CALN1: variants seen among roughly 807,000 people sequenced by gnomAD.
CALN1 encodes calcium-binding protein 8.
Under a neutral mutation model 30.6 loss-of-function variants are expected in CALN1, and 17 were observed. That is an observed-to-expected ratio of 0.56 (90% CI 0.38 to 0.83). The LOEUF is 0.83. Ranked by LOEUF, CALN1 falls within the 40% of genes least tolerant of loss-of-function variation. The probability of loss-of-function intolerance (pLI) is 0.00; values close to 1 mark genes in which losing one functional copy is unlikely to be tolerated. For missense variants in CALN1, 291 were observed against 354.9 expected (o/e 0.82, Z 1.45); for synonymous variants, 156 against 131.4 (o/e 1.19, Z -1.28).
At chr7:72,210,147 G>A (rs756132476) in intron 3 of CALN1, among the ~76,000 whole-genome samples, 34 of 151,718 alleles carry the variant, frequency 2.2e-4, no homozygotes, top group Non-Finnish European at 3.8e-4. Flanking sequence ...ATCTTCTTCC[G>A]TCTCCCCCTT....
At chr7:72,115,901 T>A (rs1807951840) in intron 3 of CALN1, among the ~76,000 whole-genome samples, 1 of 152,122 alleles carries the variant, frequency 6.6e-6, no homozygotes, top group African/African-American at 2.4e-5. Flanking sequence ...CTCCCATATA[T>A]GAATGATAAC....
At chr7:71,881,603 G>T (rs1792570702) in intron 5 of CALN1, among the ~76,000 whole-genome samples, 1 of 152,054 alleles carries the variant, frequency 6.6e-6, no homozygotes, top group Admixed American at 6.5e-5. Context: ...TGCTCAAAAT[G>T]TTTCCAAGGC....
chr7:71,844,833 T>C (rs1181262942), intron 5 of CALN1, among the ~76,000 whole-genome samples: 1 of 152,186 alleles, frequency 6.6e-6, no homozygotes, highest in Non-Finnish European at 1.5e-5. Context: ...ACATCACATG[T>C]TTTAAATTGG....
In CALN1 at chr7:71,856,693, G is replaced by A. The variant is rs542363966; in HGVS notation, c.502-46201C>T. Among the ~76,000 whole-genome samples, 32 of 152,212 alleles carry A rather than the reference G, an allele frequency of 2.1e-4. No homozygotes were observed. In the South Asian group the frequency reaches 6.2e-3, roughly 30 times the overall value. ...TAACTGGCCGGGTGTGGTGGCTCATGCCTATAATCCCAGCATTTTGGGAAG... is the reference window on the plus strand; with the variant it reads ...TAACTGGCCGGGTGTGGTGGCTCATACCTATAATCCCAGCATTTTGGGAAG... On this transcript the variant is annotated intron_variant, in intron 5 of 6. Coordinates refer to ENST00000395275, the MANE Select transcript of CALN1 (RefSeq NM_031468.4).
At chr7:72,228,235 A>G (rs1018769656) in intron 3 of CALN1, among the ~76,000 whole-genome samples, 3 of 151,864 alleles carry the variant, frequency 2.0e-5, no homozygotes, top group African/African-American at 7.2e-5. Context: ...TAGTGTTTCC[A>G]GGGACTAGAA....
intron 1 of CALN1, among the ~76,000 whole-genome samples, chr7:72,424,148 C>G (rs1807720858): frequency 6.6e-6 from 1 of 152,096 alleles, no homozygotes; most frequent in African/African-American, 2.4e-5. Flanking sequence ...ACTGAAGAGC[C>G]CCCTGGGAAA....
chr7:72,219,304 T>C (rs1793089704), intron 3 of CALN1, among the ~76,000 whole-genome samples: 1 of 152,172 alleles, frequency 6.6e-6, no homozygotes, highest in Admixed American at 6.6e-5. Flanking sequence ...TATCTCACTG[T>C]AACCTTAAAA....
chr7:71,983,206 G>A lies in CALN1; in HGVS notation c.501+40451C>T, dbSNP rs73703428. 1.0e-2 allele frequency among the ~76,000 whole-genome samples: 1,517 copies of A among 152,166 alleles called. 23 individuals are homozygous for A. Among genetic ancestry groups the A allele is most frequent in the African/African-American group, 0.034 (1,399 of 41,504 alleles). Reference sequence around the variant, plus strand: ...AGCTATTCTCCTTTCTCTTTCTTTTGCCTATTAAACCTTCACTCTTAAACT... The same window carrying A: ...AGCTATTCTCCTTTCTCTTTCTTTTACCTATTAAACCTTCACTCTTAAACT... On this transcript the variant is annotated intron_variant, in intron 5 of 6. Transcript: ENST00000395275.
At chr7:72,033,420 C>A (rs559482878) in intron 4 of CALN1, among the ~76,000 whole-genome samples, 1 of 152,164 alleles carries the variant, frequency 6.6e-6, no homozygotes, top group Non-Finnish European at 1.5e-5. Context: ...AAGCATAAGG[C>A]GCAGCTTAGC....
At chr7:72,273,899 G>C (rs758931832) in intron 3 of CALN1, among the ~76,000 whole-genome samples, 2 of 151,572 alleles carry the variant, frequency 1.3e-5, no homozygotes, top group Non-Finnish European at 2.9e-5. Flanking sequence ...AAGCATAATA[G>C]AAAAAAGCAA....
At chr7:71,966,966 C>T (rs1797559942) in intron 5 of CALN1, among the ~76,000 whole-genome samples, 1 of 152,194 alleles carries the variant, frequency 6.6e-6, no homozygotes, top group Admixed American at 6.5e-5. Flanking sequence ...CCTTGTTCAG[C>T]TTCCCCAGTA....
Position 72,369,938 on chromosome 7 carries a change from G to T in CALN1, c.119+33313C>A, listed in dbSNP as rs189590700. On this transcript the variant is annotated intron_variant, in intron 2 of 6. Coordinates refer to ENST00000395275, the MANE Select transcript of CALN1 (RefSeq NM_031468.4). ...AAAGCTGCAATTAGTAGTCATGTTT[G>T]AGTCTTTCTATGAATATATGCTTTT... Among the ~76,000 whole-genome samples the T allele has an allele frequency of 1.4e-3, 213 of 152,306 alleles. 1 individual carries two copies. In the Middle Eastern group the frequency reaches 0.017, roughly 12 times the overall value.
At chr7:72,388,699 G>T (rs1022050624) in intron 2 of CALN1, among the ~76,000 whole-genome samples, 1 of 152,118 alleles carries the variant, frequency 6.6e-6, no homozygotes, top group Non-Finnish European at 1.5e-5. Flanking sequence ...GCCTAAAAAT[G>T]CAGAGAGAGA....
At chr7:72,170,546 G>A (rs977111665) in intron 3 of CALN1, among the ~76,000 whole-genome samples, 1 of 152,170 alleles carries the variant, frequency 6.6e-6, no homozygotes, top group Non-Finnish European at 1.5e-5. Flanking sequence ...CAACCTGGAC[G>A]TTAGGGCCAG....
At chr7:72,251,997 C>G (rs576154271) in intron 3 of CALN1, among the ~76,000 whole-genome samples, 8 of 152,106 alleles carry the variant, frequency 5.3e-5, no homozygotes, top group African/African-American at 1.9e-4. Context: ...TATTCAGCAC[C>G]CAATTCTGCA....
At chr7:71,831,871 CAAAAAAAA>C (rs751078568) in intron 5 of CALN1, among the ~76,000 whole-genome samples, 4 of 20,880 alleles carry the variant, frequency 1.9e-4, no homozygotes, top group African/African-American at 5.1e-4. Flanking sequence ...AACCCTGCCT[CAAAAAAAA>C]AAAAAAAAAA....
At chr7:72,340,156 G>C (rs187699946) in intron 2 of CALN1, among the ~76,000 whole-genome samples, 1 of 152,196 alleles carries the variant, frequency 6.6e-6, no homozygotes, top group African/African-American at 2.4e-5. Flanking sequence ...ACAGGCCAGA[G>C]TGAACATTCT....
chr7:71,943,908 A>T (rs968337554), intron 5 of CALN1, among the ~76,000 whole-genome samples: 1 of 152,230 alleles, frequency 6.6e-6, no homozygotes, highest in African/African-American at 2.4e-5. Context: ...ATGGAGATAA[A>T]GAAAAAATAA....
intron 2 of CALN1, among the ~76,000 whole-genome samples, chr7:72,340,093 C>G (rs1802311810): frequency 6.6e-6 from 1 of 152,212 alleles, no homozygotes; most frequent in Non-Finnish European, 1.5e-5. Context: ...TAAACTCTAA[C>G]TGTGGTTCTT....
Sources: allele counts gnomAD v4.1 joint callset (sites outside exome capture counted in the v4.1 genomes callset), GRCh38; gene constraint gnomAD v4.1.1; transcripts MANE v1.5; gene names NCBI Gene and HGNC (gene_info 2026-07-23, HGNC 2026-07-21).